The following CORO7 variants were observed in gnomAD, a reference collection of about 807,000 sequenced individuals.
CORO7 encodes coronin-7.
In CORO7, 107 loss-of-function variants were observed where a neutral mutation model predicts 126.6. The ratio of observed to expected loss-of-function variants is 0.85; its 90% CI spans 0.72 to 0.99. The LOEUF (loss-of-function observed/expected upper bound fraction) is 0.99. CORO7 is among the 50% of genes least tolerant of loss of function. The pLI, the probability that CORO7 is intolerant of heterozygous loss-of-function variation, is 0.00. For synonymous variants in CORO7, 603 were observed against 536.8 expected, an observed-to-expected ratio of 1.12 and a Z score of -1.70; for missense variants, 1,314 against 1,255.8, an observed-to-expected ratio of 1.05 and a Z score of -0.70.
At chr16:4,392,445 AT>A (rs2055428367) in intron 7 of CORO7, among the ~76,000 whole-genome samples, 1 of 152,204 alleles carries the variant, frequency 6.6e-6, no homozygotes, top group African/African-American at 2.4e-5. Flanking sequence ...AGAACCAAGC[AT>A]GGGTGTGAGG....
At chr16:4,394,106 C>A (rs1486806839) in intron 7 of CORO7, among the ~76,000 whole-genome samples, 1 of 151,326 alleles carries the variant, frequency 6.6e-6, no homozygotes, top group Non-Finnish European at 1.5e-5. Context: ...ATCTCCCCAC[C>A]CAAAAAAAGA....
intron 9 of CORO7, among the ~76,000 whole-genome samples, chr16:4,375,439 C>T (rs770900546): frequency 4.6e-5 from 7 of 152,232 alleles, no homozygotes; most frequent in Non-Finnish European, 7.3e-5. Flanking sequence ...GCGGAGGACT[C>T]GCTCAAGGAG....
At position 4,360,995 on chromosome 16, in the gene CORO7, C is replaced by T; in HGVS notation, c.1865G>A (p.Trp622Ter). 8 of 1,613,136 alleles carry T rather than the reference C, an allele frequency of 5.0e-6. No homozygotes were observed. The highest frequency in any genetic ancestry group is 6.8e-6 in the Non-Finnish European group (8 of 1,180,020). ...CCGATCAGCTCCAGCCTGAAGGTCC[C>T]AGATGCGAACAGTGAGGTCATAGGA... ...SSSYDLTVRI[W>*]DLQAGADRLK... The change falls in exon 19 of 28, where the codon TGG (tryptophan) becomes TAG (stop). Residue 622 changes from tryptophan to a stop codon, truncating the protein, a stop_gained. Coordinates refer to ENST00000251166, the MANE Select transcript of CORO7 (RefSeq NM_024535.5). LOFTEE classifies it high-confidence loss of function.
chr16:4,362,474 A>G lies in CORO7; in HGVS notation c.1402+138T>C. 1 of 1,413,048 alleles carries G rather than the reference A, an allele frequency of 7.1e-7. No homozygotes were observed. The highest frequency in any genetic ancestry group is 9.3e-7 in the Non-Finnish European group (1 of 1,077,986). The allele number at this position is 1,413,048 out of a possible 1,614,324, so 87.5% of individuals were successfully genotyped here. ...CACACCCCAGCCCCCAGGACAAATGACCCTGCCAGTGAGTCTGGGTGAGGG... is the reference window on the plus strand; with the variant it reads ...CACACCCCAGCCCCCAGGACAAATGGCCCTGCCAGTGAGTCTGGGTGAGGG... On this transcript the variant is annotated intron_variant, in intron 15 of 27. Transcript: ENST00000251166. This position sits in a 1 kb window ranked among gnomAD's most constrained non-coding sequence, Gnocchi z 5.3.
rs147812375 is a variant in CORO7 at position 4,364,887 on chromosome 16, C to A, written c.932G>T (p.Gly311Val). 6.2e-7 allele frequency: 1 copy of A among 1,611,454 alleles called. No individual in the cohort carries two copies. Among genetic ancestry groups the A allele is most frequent in the Non-Finnish European group, 8.5e-7 (1 of 1,179,420 alleles). Reference sequence around the variant, plus strand: ...CGCCTGCCGGGGCACAAGGGCAGCCCCACGCAGCACGCTCTCCAGGACACA... The same window carrying A: ...CGCCTGCCGGGGCACAAGGGCAGCCACACGCAGCACGCTCTCCAGGACACA... ...TQCVLESVLRGAALVPRQALA... is the reference protein window; with the variant it reads ...TQCVLESVLRVAALVPRQALA... The change falls in exon 12 of 28, where the codon GGG becomes GTG. Residue 311 changes from glycine to valine, a missense_variant. Physicochemically the swap from Gly to Val is moderately radical, Grantham distance 109. Coordinates refer to ENST00000251166, the MANE Select transcript of CORO7 (RefSeq NM_024535.5).
intron 9 of CORO7, 197 bp downstream of exon 9, chr16:4,387,789 G>T: frequency 1.5e-6 from 1 of 647,976 alleles, no homozygotes; most frequent in Non-Finnish European, 2.6e-6. Flanking sequence ...GGGCACCTGA[G>T]CACCTGCTGC....
chr16:4,388,784 TG>T (rs774708919), intron 7 of CORO7, among the ~76,000 whole-genome samples, 153 bp from the exon 8 acceptor site: 2 of 152,122 alleles, frequency 1.3e-5, no homozygotes, highest in Admixed American at 6.5e-5. Context: ...ACGTCCCCAC[TG>T]GGACCAAGGG....
chr16:4,381,869 C>T (rs376035961), intron 9 of CORO7: 22 of 1,603,536 alleles, frequency 1.4e-5, no homozygotes, highest in African/African-American at 6.7e-5. Flanking sequence ...TGCCACTTCC[C>T]GCCCAAGAAC....
intron 3 of CORO7, 80 bp from the exon 4 acceptor site, chr16:4,408,331 T>C: frequency 6.3e-7 from 1 of 1,593,066 alleles, no homozygotes; most frequent in East Asian, 2.2e-5. Context: ...GCTTCCGAGG[T>C]GACACTTTTG....
At position 4,409,955 on chromosome 16, in the gene CORO7, G is replaced by A. The variant is rs988118136; in HGVS notation, c.233-1704C>T. 1.6e-4 allele frequency among the ~76,000 whole-genome samples: 25 copies of A among 152,170 alleles called. 1 individual carries two copies. Among genetic ancestry groups the A allele is most frequent in the Non-Finnish European group, 2.1e-4 (14 of 68,024 alleles). On this transcript the variant is annotated intron_variant, in intron 3 of 27. Coordinates refer to ENST00000251166, the MANE Select transcript of CORO7 (RefSeq NM_024535.5). ...CTCACCTTCCCATGAGCAGTTTCCC[G>A]GCAGGGCTGCTCATGCAGGCAAGGC...
At chr16:4,387,302 G>A (rs553214420) in intron 9 of CORO7, among the ~76,000 whole-genome samples, 2 of 152,138 alleles carry the variant, frequency 1.3e-5, no homozygotes, top group East Asian at 1.9e-4. Flanking sequence ...AGGCCATCTC[G>A]GCACACAGCT....
At chr16:4,410,312 C>A (rs573311578) in intron 3 of CORO7, among the ~76,000 whole-genome samples, 2 of 152,184 alleles carry the variant, frequency 1.3e-5, no homozygotes, top group South Asian at 2.1e-4. Context: ...ATAGTCCCAG[C>A]TACTAGGGAG....
chr16:4,409,209 G>T (rs141777616), intron 3 of CORO7, among the ~76,000 whole-genome samples: 1 of 152,182 alleles, frequency 6.6e-6, no homozygotes, highest in African/African-American at 2.4e-5. Context: ...TCTTCCTCCC[G>T]GCCTCAGGAG....
At chr16:4,385,582 C>T (rs1044399550) in intron 9 of CORO7, among the ~76,000 whole-genome samples, 2 of 152,206 alleles carry the variant, frequency 1.3e-5, no homozygotes, top group Admixed American at 6.5e-5. Context: ...TATCCCCCCA[C>T]CTCCACCCTG....
intron 26 of CORO7, among the ~76,000 whole-genome samples, chr16:4,355,929 C>T (rs1033507750): frequency 1.1e-4 from 16 of 152,310 alleles, no homozygotes; most frequent in African/African-American, 3.4e-4. Context: ...AAGTGTGTAA[C>T]ACCACACCTG....
chr16:4,371,399 C>A (rs758886661), intron 9 of CORO7, among the ~76,000 whole-genome samples: 2 of 152,200 alleles, frequency 1.3e-5, no homozygotes, highest in Non-Finnish European at 2.9e-5. Context: ...ACCTAAAAAT[C>A]TGGATTTCCA....
chr16:4,367,321 C>G (rs898085204), intron 9 of CORO7, among the ~76,000 whole-genome samples: 2 of 152,242 alleles, frequency 1.3e-5, no homozygotes, highest in African/African-American at 4.8e-5. Flanking sequence ...CACACTGACA[C>G]TGGCTCCACT....
At chr16:4,361,740 A>G (rs564401870) in intron 16 of CORO7, 1 of 806,330 alleles carries the variant, frequency 1.2e-6, no homozygotes, top group Admixed American at 2.0e-5. Context: ...TCCCAGCTCC[A>G]CCACTTACAC....
At chr16:4,363,824 G>C (rs576970779) in intron 14 of CORO7, among the ~76,000 whole-genome samples, 1 of 151,738 alleles carries the variant, frequency 6.6e-6, no homozygotes, top group Non-Finnish European at 1.5e-5. Flanking sequence ...TTCGAGACCA[G>C]CCTGACCAAC....
Sources: gnomAD v4.1 joint callset for allele counts (sites outside exome capture counted in the v4.1 genomes callset) on GRCh38, gnomAD v4.1.1 for gene constraint, Gnocchi (gnomAD v3.1) non-coding constraint, MANE v1.5 for transcripts, NCBI Gene and HGNC (gene_info 2026-07-23, HGNC 2026-07-21) for gene names.